The following XKR9 variants were observed in gnomAD, a reference collection of about 807,000 sequenced individuals.
XKR9 encodes the protein XK-related protein 9.
In XKR9, 32 loss-of-function variants were observed where a neutral mutation model predicts 32.0. The observed-to-expected ratio is 1.00, with a 90% CI of 0.76 to 1.34. The LOEUF is 1.34. Among genes scored for constraint, XKR9 ranks in the 40% most tolerant of loss-of-function variants. The pLI is 0.00. For synonymous variants in XKR9, 168 were observed against 143.4 expected (o/e 1.17, Z -1.22); for missense variants, 546 against 429.7 (o/e 1.27, Z -2.39).
At chr8:70,866,993 A>G in the XKR9 span, among the ~76,000 whole-genome samples, 2 of 152,194 alleles carry the variant, frequency 1.3e-5, no homozygotes, top group Non-Finnish European at 2.9e-5. Flanking sequence ...AAGCAGGTCC[A>G]TCTTGATCCC....
chr8:70,825,770 ATACT>A, the XKR9 span, among the ~76,000 whole-genome samples: 18 of 152,078 alleles, frequency 1.2e-4, no homozygotes, highest in Admixed American at 9.8e-4. Context: ...AGACACCTGG[ATACT>A]TAAAAATCCT....
At chr8:70,927,175 T>TGA in the XKR9 span, among the ~76,000 whole-genome samples, 1 of 151,828 alleles carries the variant, frequency 6.6e-6, no homozygotes. Flanking sequence ...GACAGTAAGC[T>TGA]AAAAACAAGA....
chr8:71,030,846 G>A, the XKR9 span, among the ~76,000 whole-genome samples: 1 of 152,128 alleles, frequency 6.6e-6, no homozygotes, highest in East Asian at 1.9e-4. Flanking sequence ...TCACCTTATA[G>A]GAGAAATCTT....
chr8:70,849,482 T>C, the XKR9 span, among the ~76,000 whole-genome samples: 1 of 152,286 alleles, frequency 6.6e-6, no homozygotes, highest in Admixed American at 6.5e-5. Flanking sequence ...AGAGTGAAAT[T>C]TATAGCACTA....
chr8:70,932,206 A>T, the XKR9 span, among the ~76,000 whole-genome samples: 2 of 152,068 alleles, frequency 1.3e-5, no homozygotes, highest in South Asian at 2.1e-4. Flanking sequence ...AATATGAATA[A>T]CATGAATGTG....
At chr8:70,876,443 G>T in the XKR9 span, among the ~76,000 whole-genome samples, 1 of 152,100 alleles carries the variant, frequency 6.6e-6, no homozygotes, top group African/African-American at 2.4e-5. Context: ...TTCTTCAGAA[G>T]TGGGTGAGTA....
At chr8:70,733,667 A>T in intron 4 of XKR9, 129 bp from the exon 5 acceptor site, 1 of 878,540 alleles carries the variant, frequency 1.1e-6, no homozygotes, top group Non-Finnish European at 1.6e-6. Flanking sequence ...TCAAAAGATT[A>T]GATGAGAAGA....
intron 4 of XKR9, among the ~76,000 whole-genome samples, chr8:70,708,091 A>G (rs1017929376): frequency 2.0e-5 from 3 of 151,926 alleles, no homozygotes; most frequent in Admixed American, 2.0e-4. Flanking sequence ...GTCCCTTCTA[A>G]TATTTTACCT....
intron 2 of XKR9, among the ~76,000 whole-genome samples, chr8:70,773,275 A>T (rs1226855257): frequency 6.6e-6 from 1 of 152,206 alleles, no homozygotes; most frequent in East Asian, 1.9e-4. Context: ...ACAGATATGG[A>T]TATGCAGGGA....
intron 2 of XKR9, among the ~76,000 whole-genome samples, chr8:70,752,834 C>T (rs533045941): frequency 3.3e-5 from 5 of 152,048 alleles, no homozygotes; most frequent in African/African-American, 1.2e-4. Flanking sequence ...AAAATTGACA[C>T]CCTAACATCA....
At chr8:70,886,867 T>A in the XKR9 span, among the ~76,000 whole-genome samples, 4 of 152,240 alleles carry the variant, frequency 2.6e-5, no homozygotes, top group Non-Finnish European at 5.9e-5. Context: ...TTTCTTTTGC[T>A]GAGCAGAAAC....
At chr8:70,675,047 A>G (rs1818837924) in intron 2 of XKR9, 148 bp downstream of exon 2, 1 of 152,234 alleles carries the variant, frequency 6.6e-6, no homozygotes, top group Admixed American at 6.5e-5. Flanking sequence ...CCACATAGCT[A>G]GGTTGATATT....
At chr8:70,783,396 T>G (rs60454243) in intron 2 of XKR9, among the ~76,000 whole-genome samples, 3,234 of 152,142 alleles carry the variant, frequency 0.021, 97 homozygotes, top group African/African-American at 0.075. Flanking sequence ...CCAGCTAATT[T>G]TTTGTATTTT....
chr8:70,965,127 A>T, the XKR9 span, among the ~76,000 whole-genome samples: 1 of 152,110 alleles, frequency 6.6e-6, no homozygotes, highest in African/African-American at 2.4e-5. Flanking sequence ...TTCCTTCAAT[A>T]CCTAGTATAT....
the XKR9 span, among the ~76,000 whole-genome samples, chr8:71,032,281 CAAAAAAAAAAAAAAA>C: frequency 4.1e-5 from 3 of 73,208 alleles, no homozygotes; most frequent in Non-Finnish European, 5.0e-5. Flanking sequence ...GAGACTCTGT[CAAAAAAAAAAAAAAA>C]AAAAAAAAAA....
the XKR9 span, among the ~76,000 whole-genome samples, chr8:71,039,760 A>G: frequency 6.6e-6 from 1 of 152,086 alleles, no homozygotes; most frequent in Admixed American, 6.6e-5. Context: ...ATGGTTACCT[A>G]TGATGTTTCT....
chr8:71,043,929 C>T, the XKR9 span, among the ~76,000 whole-genome samples: 1 of 151,890 alleles, frequency 6.6e-6, no homozygotes, highest in African/African-American at 2.4e-5. Flanking sequence ...AACTTTCAGA[C>T]CTGAAAGATA....
intron 2 of XKR9, among the ~76,000 whole-genome samples, chr8:70,744,646 C>G (rs1311108584): frequency 6.6e-6 from 1 of 152,178 alleles, no homozygotes; most frequent in Non-Finnish European, 1.5e-5. Flanking sequence ...TGCTCTGTCA[C>G]CCAGGCTGGA....
the XKR9 span, among the ~76,000 whole-genome samples, chr8:70,856,476 G>C: frequency 6.6e-6 from 1 of 151,736 alleles, no homozygotes; most frequent in East Asian, 1.9e-4. Context: ...CATAAAGCAA[G>C]TCCTTAGAGA....
Sources: gnomAD v4.1 joint callset for allele counts (sites outside exome capture counted in the v4.1 genomes callset) on GRCh38, gnomAD v4.1.1 for gene constraint, MANE v1.5 for transcripts, NCBI Gene and HGNC (gene_info 2026-07-23, HGNC 2026-07-21) for gene names.